RNF220: variants seen among roughly 807,000 people sequenced by gnomAD.
The protein encoded by RNF220 is E3 ubiquitin-protein ligase RNF220.
A neutral mutation model predicts 67.1 loss-of-function variants in RNF220; 7 were observed. The observed-to-expected ratio is 0.10, with a 90% CI of 0.06 to 0.20. RNF220 has a LOEUF of 0.20. Among genes scored for constraint, RNF220 ranks in the 10% least tolerant of loss-of-function variants. The probability of loss-of-function intolerance (pLI) is 1.00; values close to 1 mark genes in which losing one functional copy is unlikely to be tolerated. For missense variants in RNF220, 565 were observed against 740.3 expected (o/e 0.76, Z 2.75); for synonymous variants, 270 against 283.2 (o/e 0.95, Z 0.47).
intron 1 of RNF220, among the ~76,000 whole-genome samples, chr1:44,407,175 G>C (rs1647424901): frequency 6.6e-6 from 1 of 152,112 alleles, no homozygotes; most frequent in South Asian, 2.1e-4. Context: ...ACTGGCCCGG[G>C]AGCCGCCGAG....
intron 2 of RNF220, among the ~76,000 whole-genome samples, chr1:44,529,837 G>C (rs1174240048): frequency 6.6e-6 from 1 of 152,110 alleles, no homozygotes; most frequent in Non-Finnish European, 1.5e-5. Flanking sequence ...GATTGCCTGA[G>C]CTCAGGAGTT....
intron 2 of RNF220, among the ~76,000 whole-genome samples, chr1:44,508,274 C>T (rs1286556257): frequency 6.6e-6 from 1 of 152,032 alleles, no homozygotes; most frequent in Admixed American, 6.5e-5. Context: ...TCCTTGGCCC[C>T]TGAGGTCCCA....
rs1048297371 is a variant in RNF220, at chr1:44,600,837, A to G, written c.626-13328A>G. Among the ~76,000 whole-genome samples the G allele has an allele frequency of 1.3e-5, 2 of 151,554 alleles. No homozygotes were observed. Among genetic ancestry groups the G allele is most frequent in the East Asian group, 3.9e-4 (2 of 5,176 alleles). On this transcript the variant is annotated intron_variant, in intron 2 of 14. Coordinates refer to ENST00000361799, the MANE Select transcript of RNF220 (RefSeq NM_018150.4). The surrounding 1 kb of genome is among the most constrained non-coding windows in gnomAD (Gnocchi z 4.0). ...ACTCTGTCTCAAAAAAAAAAAAAGT[A>G]CAGTGCTTGCCACAGAGTAAGCATT... is the stretch of plus-strand genomic sequence containing the variant.
chr1:44,426,832 A>G (rs1557914197), intron 2 of RNF220, among the ~76,000 whole-genome samples: 2 of 152,202 alleles, frequency 1.3e-5, no homozygotes, highest in Admixed American at 6.5e-5. Context: ...CATTAACAAG[A>G]TCTTAATTAA....
chr1:44,452,268 G>A (rs536964713), intron 2 of RNF220, among the ~76,000 whole-genome samples: 1 of 152,192 alleles, frequency 6.6e-6, no homozygotes, highest in East Asian at 1.9e-4. Flanking sequence ...AACCTTATGA[G>A]GCCAGCTGGG....
At chr1:44,610,146 T>G (rs1177413444) in intron 2 of RNF220, among the ~76,000 whole-genome samples, 1 of 152,142 alleles carries the variant, frequency 6.6e-6, no homozygotes, top group African/African-American at 2.4e-5. Context: ...GATCCATCTT[T>G]GCATGGGAGG....
intron 2 of RNF220, among the ~76,000 whole-genome samples, chr1:44,480,879 C>A (rs982813326): frequency 6.6e-6 from 1 of 152,014 alleles, no homozygotes; most frequent in Non-Finnish European, 1.5e-5. Flanking sequence ...GAGTGAGACT[C>A]CGTCTCAAAA....
chr1:44,581,212 G>T (rs374619598), intron 2 of RNF220, among the ~76,000 whole-genome samples: 4 of 152,196 alleles, frequency 2.6e-5, no homozygotes, highest in East Asian at 1.9e-4. Context: ...TTGGAAAAAC[G>T]ATTTTAATAC....
intron 6 of RNF220, chr1:44,635,292 A>G: frequency 2.0e-6 from 1 of 511,658 alleles, no homozygotes; most frequent in East Asian, 3.0e-5. Context: ...GTATGGGTAG[A>G]CCTTGCACCA....
chr1:44,542,365 A>T (rs1018164917), intron 2 of RNF220, among the ~76,000 whole-genome samples: 1 of 152,188 alleles, frequency 6.6e-6, no homozygotes, highest in Non-Finnish European at 1.5e-5. Flanking sequence ...AGAGGGTTAC[A>T]CACTGAGCCT....
intron 2 of RNF220, among the ~76,000 whole-genome samples, chr1:44,466,930 C>G (rs1340979371): frequency 1.3e-5 from 2 of 152,238 alleles, no homozygotes; most frequent in Non-Finnish European, 2.9e-5. Context: ...GTGCATTATG[C>G]ACCTAACATG....
intron 2 of RNF220, among the ~76,000 whole-genome samples, chr1:44,452,465 A>G (rs1251459840): frequency 6.6e-6 from 1 of 152,046 alleles, no homozygotes; most frequent in Non-Finnish European, 1.5e-5. Flanking sequence ...GAGGCAGGAG[A>G]ATTGCTTGAA....
At chr1:44,530,416 T>C (rs1222062032) in intron 2 of RNF220, among the ~76,000 whole-genome samples, 6 of 151,672 alleles carry the variant, frequency 4.0e-5, no homozygotes, top group Non-Finnish European at 5.9e-5. Flanking sequence ...AATGCAGATG[T>C]ACAAAAAGGA....
At chr1:44,523,990 C>T (rs1407843427) in intron 2 of RNF220, among the ~76,000 whole-genome samples, 1 of 152,096 alleles carries the variant, frequency 6.6e-6, no homozygotes, top group South Asian at 2.1e-4. Context: ...AGTCGAGATA[C>T]CTGCAAGTTG....
At chr1:44,501,386 G>C (rs916751362) in intron 2 of RNF220, among the ~76,000 whole-genome samples, 1 of 151,814 alleles carries the variant, frequency 6.6e-6, no homozygotes, top group Non-Finnish European at 1.5e-5. Context: ...GGGGGAGGGG[G>C]TGGATTCTGC....
chr1:44,514,227 C>T (rs1402891755), intron 2 of RNF220, among the ~76,000 whole-genome samples: 2 of 152,168 alleles, frequency 1.3e-5, no homozygotes, highest in Non-Finnish European at 1.5e-5. Context: ...GTGCCTCCCA[C>T]GTAGCAGGCT....
At chr1:44,598,106 C>A (rs554488033) in intron 2 of RNF220, among the ~76,000 whole-genome samples, 2 of 152,126 alleles carry the variant, frequency 1.3e-5, no homozygotes, top group South Asian at 4.2e-4. Flanking sequence ...GCTAGGCTTG[C>A]TAATCTTTGA....
chr1:44,579,670 T>C (rs1331021987), intron 2 of RNF220, among the ~76,000 whole-genome samples: 3 of 152,180 alleles, frequency 2.0e-5, no homozygotes, highest in Non-Finnish European at 4.4e-5. Context: ...CCTCTCCTCA[T>C]ACTGTGACTT....
chr1:44,615,339 A>C (rs1344411494), intron 3 of RNF220, among the ~76,000 whole-genome samples: 2 of 152,064 alleles, frequency 1.3e-5, no homozygotes. Context: ...CCAGAATTCA[A>C]GGGGAGAGGA....
Sources: gnomAD v4.1 joint callset for allele counts (sites outside exome capture counted in the v4.1 genomes callset) on GRCh38, gnomAD v4.1.1 for gene constraint, Gnocchi (gnomAD v3.1) non-coding constraint, MANE v1.5 for transcripts, NCBI Gene and HGNC (gene_info 2026-07-23, HGNC 2026-07-21) for gene names.